FRMPD4: variants seen among roughly 807,000 people sequenced by gnomAD.
The protein encoded by FRMPD4 is FERM and PDZ domain-containing protein 4.
In FRMPD4, 22 loss-of-function variants were observed where a neutral mutation model predicts 94.1. The ratio of observed to expected loss-of-function variants is 0.23; its 90% confidence interval spans 0.17 to 0.33. The LOEUF is 0.33. FRMPD4 is among the 10% of genes least tolerant of loss of function. The pLI, the probability that FRMPD4 is intolerant of heterozygous loss-of-function variation, is 1.00. For synonymous variants in FRMPD4, 631 were observed against 548.6 expected, an observed-to-expected ratio of 1.15 and a Z score of -2.10; for missense variants, 1,111 against 1,339.9, an observed-to-expected ratio of 0.83 and a Z score of 2.67.
At chrX:11,952,654 T>C (rs1209104285) in intron 3 of FRMPD4, among the ~76,000 whole-genome samples, 1 of 111,838 alleles carries the variant, frequency 8.9e-6, no homozygotes, top group African/African-American at 3.3e-5. Flanking sequence ...GGGAGAAAGC[T>C]AACCCAAGGG....
chrX:12,720,028 AGGAAAGGAAAGGAAAGGAAAG>A (rs1228584476), intron 16 of FRMPD4, among the ~76,000 whole-genome samples: 2,918 of 65,542 alleles, frequency 0.045, 64 homozygotes, highest in African/African-American at 0.083. Context: ...AGGAAAGGAA[AGGAAAGGAAAGGAAAGGAAAG>A]GAAAGAAAGA....
intron 1 of FRMPD4, among the ~76,000 whole-genome samples, chrX:12,199,237 A>ATGTGTGTGTGTGTGTGTG (rs5901464): frequency 2.8e-4 from 26 of 91,275 alleles, no homozygotes; most frequent in African/African-American, 7.9e-4. Flanking sequence ...AGAAAGGAAA[A>ATGTGTGTGTGTGTGTGTG]TGTGTGTGTG....
At chrX:12,508,330 G>C (rs923700703) in intron 2 of FRMPD4, among the ~76,000 whole-genome samples, 5 of 109,122 alleles carry the variant, frequency 4.6e-5, no homozygotes, top group Admixed American at 2.0e-4. Flanking sequence ...ACATTATCAA[G>C]CCCGCATTCC....
chrX:12,534,632 A>G (rs2058319681), intron 2 of FRMPD4, among the ~76,000 whole-genome samples: 1 of 112,386 alleles, frequency 8.9e-6, no homozygotes, highest in Non-Finnish European at 1.9e-5. Context: ...AGTCAAAGAG[A>G]TCATTTTGGG....
intron 3 of FRMPD4, among the ~76,000 whole-genome samples, chrX:11,907,422 T>C (rs2053973856): frequency 8.9e-6 from 1 of 112,368 alleles, no homozygotes; most frequent in Non-Finnish European, 1.9e-5. Flanking sequence ...CTATAACAAA[T>C]TACCATAGAC....
intron 1 of FRMPD4, among the ~76,000 whole-genome samples, chrX:12,245,199 T>C (rs889564862): frequency 8.9e-5 from 10 of 111,999 alleles, no homozygotes; most frequent in Admixed American, 7.6e-4. Flanking sequence ...ATAAAGGCAC[T>C]CTGTATGCAG....
At chrX:11,838,447 T>C (rs1389251735) in intron 1 of FRMPD4, among the ~76,000 whole-genome samples, 1 of 111,720 alleles carries the variant, frequency 9.0e-6, no homozygotes, top group Non-Finnish European at 1.9e-5. Context: ...AAACAAACCA[T>C]ATAAAATGAA....
chrX:12,638,534 C>A (rs943020477), intron 4 of FRMPD4, among the ~76,000 whole-genome samples: 9 of 111,858 alleles, frequency 8.0e-5, no homozygotes, highest in African/African-American at 2.9e-4. Context: ...CTGCACCTGA[C>A]CTGGAAGACA....
At chrX:12,448,320 G>A (rs1042252665) in intron 1 of FRMPD4, among the ~76,000 whole-genome samples, 9 of 111,476 alleles carry the variant, frequency 8.1e-5, no homozygotes, top group South Asian at 3.7e-4. Flanking sequence ...TCATGTTATC[G>A]GACAATAAGA....
intron 3 of FRMPD4, among the ~76,000 whole-genome samples, chrX:11,928,675 G>A: frequency 8.9e-6 from 1 of 112,506 alleles, no homozygotes; most frequent in South Asian, 3.7e-4. Flanking sequence ...GTGTAAATTA[G>A]TTCAGTCATT....
intron 1 of FRMPD4, among the ~76,000 whole-genome samples, chrX:12,320,290 C>T (rs1339299029): frequency 9.0e-6 from 1 of 111,039 alleles, no homozygotes; most frequent in East Asian, 2.8e-4. Context: ...GGAAATGAGG[C>T]AAAAAGAGGA....
chrX:11,968,700 T>G (rs1243499102), intron 3 of FRMPD4, among the ~76,000 whole-genome samples: 1 of 111,395 alleles, frequency 9.0e-6, no homozygotes, highest in Non-Finnish European at 1.9e-5. Context: ...AGCTTGGAAC[T>G]CCAAACATGC....
chrX:11,946,872 A>G (rs1280661948), intron 3 of FRMPD4, among the ~76,000 whole-genome samples: 1 of 111,934 alleles, frequency 8.9e-6, no homozygotes, highest in Non-Finnish European at 1.9e-5. Context: ...TTATACCATT[A>G]GCCCCCTGAT....
At chrX:12,609,681 C>T in intron 2 of FRMPD4, 40 bp from the exon 3 acceptor site, 1 of 1,124,698 alleles carries the variant, frequency 8.9e-7, no homozygotes, top group African/African-American at 1.8e-5. Context: ...CTAAGACATA[C>T]ATTGATGCCT....
chrX:12,696,114 C>T (rs1205888892), intron 9 of FRMPD4, among the ~76,000 whole-genome samples: 1 of 112,630 alleles, frequency 8.9e-6, no homozygotes, highest in African/African-American at 3.2e-5. Flanking sequence ...ATTATTGCTT[C>T]TGCATTTATT....
At chrX:12,407,996 G>A (rs1423789296) in intron 1 of FRMPD4, among the ~76,000 whole-genome samples, 1 of 109,159 alleles carries the variant, frequency 9.2e-6, no homozygotes, top group Non-Finnish European at 1.9e-5. Flanking sequence ...AAAGTTTGAG[G>A]TAGCAGAGAG....
chrX:12,573,200 G>A (rs1277389706), intron 2 of FRMPD4, among the ~76,000 whole-genome samples: 1 of 111,802 alleles, frequency 8.9e-6, no homozygotes, highest in Non-Finnish European at 1.9e-5. Flanking sequence ...CGTAATTGAG[G>A]GGCAAGTCCA....
chrX:12,716,198 T>C lies in FRMPD4; in HGVS notation c.1739T>C (p.Val580Ala), dbSNP rs770613036. Residue 580 changes from valine (V) to alanine (A), a missense_variant, in exon 15 of 17, where the codon GTG becomes GCG. By Grantham distance (64) the Val-to-Ala change is moderately conservative. Around this residue, in one of 8 missense-constraint regions of FRMPD4, gnomAD observed 192 missense variants for 192.5 expected, o/e 1.00. Coordinates refer to ENST00000675598, the MANE Select transcript of FRMPD4 (RefSeq NM_001368397.1). ...TACATAGATTCAAAGCAGAAGACGG[T>C]GGAGATCACAGACAGCACCATGTGT... ...ITYIDSKQKTVEITDSTMCPK... is the reference protein window; with the variant it reads ...ITYIDSKQKTAEITDSTMCPK... 13 of 1,206,712 alleles carry C rather than the reference T, an allele frequency of 1.1e-5. No homozygotes were observed. The highest frequency in any genetic ancestry group is 1.5e-5 in the Non-Finnish European group (13 of 891,832).
At chrX:12,093,448 G>C (rs1450101787) in intron 3 of FRMPD4, among the ~76,000 whole-genome samples, 1 of 110,323 alleles carries the variant, frequency 9.1e-6, no homozygotes, top group Non-Finnish European at 1.9e-5. Context: ...CAAATCTCAA[G>C]GCAAGAAGAG....
Sources: allele counts gnomAD v4.1 joint callset (sites outside exome capture counted in the v4.1 genomes callset), GRCh38; gene constraint gnomAD v4.1.1; regional missense constraint gnomAD v4.1.1; transcripts MANE v1.5; gene names NCBI Gene and HGNC (gene_info 2026-07-23, HGNC 2026-07-21).